The following TEX10 variants were observed in gnomAD, a reference collection of about 807,000 sequenced individuals.
TEX10 encodes the protein testis-expressed protein 10.
Under a neutral mutation model 104.4 loss-of-function variants are expected in TEX10, and 24 were observed. That is an observed-to-expected ratio of 0.23 (90% CI 0.17 to 0.32). The LOEUF (loss-of-function observed/expected upper bound fraction) is 0.32, where lower values mean the gene tolerates loss of function less well. Ranked by LOEUF, TEX10 falls within the 10% of genes least tolerant of loss-of-function variation. The pLI is 1.00. For missense variants in TEX10, 921 were observed against 1,083.9 expected, an observed-to-expected ratio of 0.85 and a Z score of 2.11; for synonymous variants, 396 against 393.4, an observed-to-expected ratio of 1.01 and a Z score of -0.08.
intron 13 of TEX10, 80 bp downstream of exon 13, chr9:100,308,420 C>G: frequency 7.9e-7 from 1 of 1,267,098 alleles, no homozygotes; most frequent in East Asian, 2.5e-5. Flanking sequence ...ACCTAATTAT[C>G]TTTAACTGTC....
In TEX10 at chr9:100,312,353, G is replaced by C. The variant is rs1198790691; in HGVS notation, c.2203-1974C>G. 2.0e-5 allele frequency among the ~76,000 whole-genome samples: 3 copies of C among 152,216 alleles called. No individual in the cohort carries two copies. In the East Asian group the frequency reaches 5.8e-4, roughly 29 times the overall value. On this transcript the variant is annotated intron_variant, in intron 11 of 14. Transcript: ENST00000374902. ...AAGAACCAGAGCCCAAATGGAGTGA[G>C]ATGAGAGGGGTGGCAGCAAAGGAAG...
At chr9:100,312,959 T>A (rs150304128) in intron 11 of TEX10, among the ~76,000 whole-genome samples, 3 of 152,252 alleles carry the variant, frequency 2.0e-5, no homozygotes, top group East Asian at 3.9e-4. Context: ...AAAGATATAG[T>A]CCCTAGAGAT....
intron 4 of TEX10, among the ~76,000 whole-genome samples, chr9:100,340,572 A>G (rs1182628818): frequency 2.0e-5 from 3 of 152,218 alleles, no homozygotes; most frequent in African/African-American, 7.2e-5. Context: ...TTGGTGCTTA[A>G]TAACTATTTA....
At chr9:100,321,238 T>C (rs1421407494) in intron 10 of TEX10, among the ~76,000 whole-genome samples, 5 of 152,236 alleles carry the variant, frequency 3.3e-5, no homozygotes, top group South Asian at 2.1e-4. Context: ...AGATTCAGCA[T>C]AGTATTGGAT....
chr9:100,315,461 G>A (rs993099513), intron 11 of TEX10, among the ~76,000 whole-genome samples: 3 of 152,076 alleles, frequency 2.0e-5, no homozygotes, highest in Non-Finnish European at 4.4e-5. Context: ...TAGTGGTGTT[G>A]GGTGCATATA....
Position 100,350,922 on chromosome 9 carries a change from C to A in TEX10, c.-9-1550G>T, listed in dbSNP as rs1204168000. Among the ~76,000 whole-genome samples the A allele has an allele frequency of 5.3e-5, 8 of 152,328 alleles. No homozygotes were observed. The East Asian group carries it at 1.4e-3, about 26-fold the overall frequency. ...TTATCCAAACTCTGACGCCTTCCAG[C>A]TGTACACTGTCCCAATTTCTATCTA... On this transcript the variant is annotated intron_variant, in intron 1 of 14. Coordinates refer to ENST00000374902, the MANE Select transcript of TEX10 (RefSeq NM_017746.4).
intron 1 of TEX10, among the ~76,000 whole-genome samples, chr9:100,349,679 T>C (rs564572735): frequency 1.3e-5 from 2 of 152,236 alleles, no homozygotes; most frequent in African/African-American, 4.8e-5. Context: ...TGTTTTCCTT[T>C]GTTCGAGTGT....
At chr9:100,326,588 T>C in intron 8 of TEX10, 109 bp from the exon 9 acceptor site, 2 of 987,234 alleles carry the variant, frequency 2.0e-6, no homozygotes, top group Non-Finnish European at 2.9e-6. Context: ...CATTTTATGC[T>C]GAATTTTATG....
chr9:100,307,418 T>C (rs1834168061), intron 13 of TEX10: 1 of 152,206 alleles, frequency 6.6e-6, no homozygotes. Context: ...ACTAACCCTT[T>C]ATAGAAAGAA....
chr9:100,330,513 T>C (rs1032750161), intron 5 of TEX10, among the ~76,000 whole-genome samples: 7 of 152,206 alleles, frequency 4.6e-5, no homozygotes, highest in African/African-American at 1.4e-4. Flanking sequence ...ATGCTTATAT[T>C]TGGATGGAAA....
At chr9:100,324,121 C>T (rs1454223922) in intron 9 of TEX10, among the ~76,000 whole-genome samples, 7 of 152,080 alleles carry the variant, frequency 4.6e-5, no homozygotes, top group Non-Finnish European at 7.3e-5. Context: ...CAACCTCCGC[C>T]TCCTGGGTTC....
intron 1 of TEX10, 186 bp downstream of exon 1, chr9:100,352,586 C>A (rs1835484411): frequency 1.3e-6 from 2 of 1,512,514 alleles, no homozygotes; most frequent in Non-Finnish European, 1.8e-6. Flanking sequence ...CTAGGGGGTC[C>A]CGCCCCCGCA....
At chr9:100,333,771 A>G (rs1834936008) in intron 5 of TEX10, among the ~76,000 whole-genome samples, 1 of 152,204 alleles carries the variant, frequency 6.6e-6, no homozygotes, top group Non-Finnish European at 1.5e-5. Flanking sequence ...GTGAAACAAT[A>G]AACATACATA....
Position 100,326,384 on chromosome 9 carries a change from G to T in TEX10, c.1897C>A (p.Leu633Ile). Residue 633 changes from leucine to isoleucine, a missense_variant, in exon 9 of 15, where the codon CTT becomes ATT. By Grantham distance (5) the Leu-to-Ile change is conservative (BLOSUM62 2). This residue lies in a region of TEX10 where 753 missense variants were observed against 868.4 expected (regional missense o/e 0.87). Transcript: ENST00000374902. ...ATACAGCAACGACTTAACCGAGAAA[G>T]CAAATCAGCCGGCAGACTGGGTAGG... ...YFLPSLPADL[L>I]SRLSRCCIMG... is the part of the protein sequence containing the mutation. 6.2e-7 allele frequency: 1 copy of T among 1,614,022 alleles called. No homozygotes were observed. Among genetic ancestry groups the T allele is most frequent in the Non-Finnish European group, 8.5e-7 (1 of 1,180,006 alleles).
Position 100,313,679 on chromosome 9 carries a change from T to C in TEX10, c.2203-3300A>G, listed in dbSNP as rs184421536. Among the ~76,000 whole-genome samples the C allele has an allele frequency of 9.2e-4, 140 of 151,522 alleles. 1 individual carries two copies. Among genetic ancestry groups the C allele is most frequent in the East Asian group, 4.1e-3 (21 of 5,144 alleles). ...GCCTGGCCTACATGGTGAAACCCCG[T>C]CTCTACTAAAAATACAAAAGCAGGT... On this transcript the variant is annotated intron_variant, in intron 11 of 14. Coordinates refer to ENST00000374902, the MANE Select transcript of TEX10 (RefSeq NM_017746.4).
At chr9:100,347,509 G>T in intron 2 of TEX10, 103 bp from the exon 3 acceptor site, 1 of 826,002 alleles carries the variant, frequency 1.2e-6, no homozygotes, top group South Asian at 2.9e-5. Flanking sequence ...CACTCCTTGG[G>T]GAAACTGCTT....
intron 11 of TEX10, among the ~76,000 whole-genome samples, chr9:100,315,315 T>C (rs1242436328): frequency 6.6e-6 from 1 of 152,152 alleles, no homozygotes; most frequent in African/African-American, 2.4e-5. Context: ...TTTCTTTGTA[T>C]TTTCTTTCTC....
At chr9:100,332,838 T>C (rs1219411225) in intron 5 of TEX10, among the ~76,000 whole-genome samples, 1 of 150,188 alleles carries the variant, frequency 6.7e-6, no homozygotes, top group Non-Finnish European at 1.5e-5. Flanking sequence ...AAAAAATTGC[T>C]GAAAATAACT....
chr9:100,349,586 C>T (rs1032158693), intron 1 of TEX10, among the ~76,000 whole-genome samples: 19 of 152,084 alleles, frequency 1.2e-4, no homozygotes, highest in South Asian at 2.1e-4. Context: ...AGTCTTGCCA[C>T]GGTTTTGCAA....
Sources: allele counts gnomAD v4.1 joint callset (sites outside exome capture counted in the v4.1 genomes callset), GRCh38; gene constraint gnomAD v4.1.1; regional missense constraint gnomAD v4.1.1; transcripts MANE v1.5; gene names NCBI Gene and HGNC (gene_info 2026-07-23, HGNC 2026-07-21).